Variants in DOCK5 observed in about 807,000 individuals in gnomAD.
DOCK5 encodes dedicator of cytokinesis 5, also known as dedicator of cytokinesis protein 5.
Under a neutral mutation model 251.8 loss-of-function variants are expected in DOCK5, and 142 were observed. The ratio of observed to expected loss-of-function variants is 0.56; its 90% CI spans 0.49 to 0.65. DOCK5 has a LOEUF of 0.65. Among genes scored for constraint, DOCK5 ranks in the 30% least tolerant of loss-of-function variants. DOCK5 has a pLI of 0.00. For synonymous variants in DOCK5, 842 were observed against 835.5 expected, an observed-to-expected ratio of 1.01 and a Z score of -0.13; for missense variants, 2,111 against 2,312.3, an observed-to-expected ratio of 0.91 and a Z score of 1.79.
intron 28 of DOCK5, among the ~76,000 whole-genome samples, chr8:25,362,136 G>A (rs1800692763): frequency 6.6e-6 from 1 of 152,174 alleles, no homozygotes. Context: ...CATTTTGAAG[G>A]ACCGTTTAGG....
In DOCK5 at chr8:25,299,727, T is replaced by G. The variant is rs963015349; in HGVS notation, c.764+626T>G. On this transcript the variant is annotated intron_variant, in intron 8 of 51. Transcript: ENST00000276440. ...AATAATGTCTATTAAAAAACATTTT[T>G]TTTAAGACTCTAAGGAGTGTGATGG... Among the ~76,000 whole-genome samples, 11 of 152,300 alleles carry G rather than the reference T, an allele frequency of 7.2e-5. No individual in the cohort carries two copies. In the East Asian group the frequency reaches 1.2e-3, roughly 16 times the overall value.
At chr8:25,318,675 C>A (rs1805335583) in intron 14 of DOCK5, among the ~76,000 whole-genome samples, 1 of 145,854 alleles carries the variant, frequency 6.9e-6, no homozygotes, top group Admixed American at 7.0e-5. Context: ...GAAGTGAGTC[C>A]CAATTCTGAC....
chr8:25,358,031 A>G (rs73562330), intron 27 of DOCK5, among the ~76,000 whole-genome samples: 1,941 of 152,254 alleles, frequency 0.013, 36 homozygotes, highest in African/African-American at 0.044. Context: ...CAGGGTCACA[A>G]TTCACGTGGG....
At chr8:25,213,672 A>G (rs1326258327) in intron 1 of DOCK5, among the ~76,000 whole-genome samples, 2 of 152,214 alleles carry the variant, frequency 1.3e-5, no homozygotes, top group Non-Finnish European at 2.9e-5. Context: ...TCACCCCCCA[A>G]AGAAAAGCAG....
At chr8:25,369,694 GA>G in intron 34 of DOCK5, 53 bp downstream of exon 34, 1 of 1,488,974 alleles carries the variant, frequency 6.7e-7, no homozygotes. Context: ...TAGTAATAGA[GA>G]AAAACAGGGG....
At chr8:25,235,644 T>C (rs1309316197) in intron 1 of DOCK5, among the ~76,000 whole-genome samples, 1 of 152,226 alleles carries the variant, frequency 6.6e-6, no homozygotes, top group Non-Finnish European at 1.5e-5. Context: ...ATGTAAATGA[T>C]GTGGCTTCTA....
At chr8:25,257,257 G>A (rs1428616576) in intron 2 of DOCK5, among the ~76,000 whole-genome samples, 1 of 152,084 alleles carries the variant, frequency 6.6e-6, no homozygotes, top group East Asian at 1.9e-4. Flanking sequence ...CCCTCTCTAT[G>A]CCAGGCATCG....
chr8:25,398,603 T>C (rs114736759), intron 45 of DOCK5, among the ~76,000 whole-genome samples: 1,730 of 152,264 alleles, frequency 0.011, 28 homozygotes, highest in African/African-American at 0.038. Context: ...CGTCCTGGCT[T>C]CTGGTGTCTT....
intron 2 of DOCK5, among the ~76,000 whole-genome samples, chr8:25,259,056 G>C (rs1165459590): frequency 6.6e-6 from 1 of 152,188 alleles, no homozygotes; most frequent in African/African-American, 2.4e-5. Flanking sequence ...GGGGGCGGAG[G>C]TTGCAGTGAG....
intron 5 of DOCK5, among the ~76,000 whole-genome samples, chr8:25,281,892 A>C (rs868333886): frequency 2.8e-4 from 3 of 10,548 alleles, no homozygotes; most frequent in East Asian, 6.6e-3. Context: ...AAAAAAAGAA[A>C]AAAAAAAAAA....
intron 48 of DOCK5, among the ~76,000 whole-genome samples, chr8:25,406,027 C>T (rs1463008271): frequency 2.0e-5 from 3 of 152,184 alleles, no homozygotes; most frequent in South Asian, 2.1e-4. Context: ...GGTGCGATCT[C>T]GGCTCACCGC....
chr8:25,258,026 C>G (rs1271078144), intron 2 of DOCK5, among the ~76,000 whole-genome samples: 1 of 152,102 alleles, frequency 6.6e-6, no homozygotes, highest in African/African-American at 2.4e-5. Flanking sequence ...AAACCACATC[C>G]AGAAAATATA....
chr8:25,403,435 G>A, intron 47 of DOCK5, 123 bp from the exon 48 acceptor site: 1 of 977,534 alleles, frequency 1.0e-6, no homozygotes, highest in Non-Finnish European at 1.5e-6. Flanking sequence ...ATCAGAATGG[G>A]GTGCCAGCCA....
At chr8:25,346,796 C>A (rs1215507765) in intron 26 of DOCK5, among the ~76,000 whole-genome samples, 2 of 150,738 alleles carry the variant, frequency 1.3e-5, no homozygotes, top group Non-Finnish European at 1.5e-5. Flanking sequence ...TGCACTCCAG[C>A]CTGGGTAATA....
intron 17 of DOCK5, among the ~76,000 whole-genome samples, chr8:25,324,621 A>G (rs1458926743): frequency 2.0e-5 from 3 of 152,228 alleles, no homozygotes; most frequent in Admixed American, 1.3e-4. Context: ...TTCTTCTTCC[A>G]TCAACCCAAT....
chr8:25,366,478 C>T (rs1166338321), intron 30 of DOCK5, among the ~76,000 whole-genome samples: 3 of 152,180 alleles, frequency 2.0e-5, no homozygotes, highest in Non-Finnish European at 4.4e-5. Flanking sequence ...CAGAGTGAGA[C>T]TCTGGATCAA....
chr8:25,256,728 G>A (rs1803429342), intron 2 of DOCK5, among the ~76,000 whole-genome samples: 1 of 151,118 alleles, frequency 6.6e-6, no homozygotes, highest in South Asian at 2.1e-4. Flanking sequence ...TTTCATTGCT[G>A]ACACTAAGTG....
At chr8:25,396,647 G>A (rs2117328183) in intron 45 of DOCK5, among the ~76,000 whole-genome samples, 1 of 152,152 alleles carries the variant, frequency 6.6e-6, no homozygotes, top group African/African-American at 2.4e-5. Flanking sequence ...AAACTTTTTG[G>A]ATATAAATCA....
intron 23 of DOCK5, 87 bp from the exon 24 acceptor site, chr8:25,341,652 C>A: frequency 8.7e-7 from 1 of 1,144,144 alleles, no homozygotes; most frequent in Non-Finnish European, 1.3e-6. Context: ...AAGTTCCAAG[C>A]ACAGCCTTTT....
Sources: allele counts gnomAD v4.1 joint callset (sites outside exome capture counted in the v4.1 genomes callset), GRCh38; gene constraint gnomAD v4.1.1; transcripts MANE v1.5; gene names NCBI Gene and HGNC (gene_info 2026-07-23, HGNC 2026-07-21).